The following CNTNAP2 variants were observed in gnomAD, a reference collection of about 807,000 sequenced individuals.
The protein encoded by CNTNAP2 is contactin-associated protein-like 2.
In CNTNAP2, 98 loss-of-function variants were observed where a neutral mutation model predicts 155.2. The ratio of observed to expected loss-of-function variants is 0.63; its 90% confidence interval spans 0.54 to 0.75. The LOEUF (loss-of-function observed/expected upper bound fraction) is 0.75, where lower values mean the gene tolerates loss of function less well. Ranked by LOEUF, CNTNAP2 falls within the 30% of genes least tolerant of loss-of-function variation. The pLI is 0.00. For synonymous variants in CNTNAP2, 651 were observed against 631.2 expected (o/e 1.03, Z -0.47); for missense variants, 1,727 against 1,688.1 (o/e 1.02, Z -0.40).
At chr7:148,333,289 A>G (rs4725776) in intron 21 of CNTNAP2, among the ~76,000 whole-genome samples, 145,896 of 152,058 alleles carry the variant, frequency 0.96, 70,087 homozygotes, top group East Asian at 1. Context: ...TTAGCCAGGC[A>G]TGGTGGCACA....
chr7:148,365,976 G>T (rs1348759391), intron 21 of CNTNAP2, among the ~76,000 whole-genome samples: 1 of 2,578 alleles, frequency 3.9e-4, no homozygotes, highest in African/African-American at 4.8e-4. Flanking sequence ...ATGTGTGTAT[G>T]CATGTATACA....
intron 15 of CNTNAP2, among the ~76,000 whole-genome samples, chr7:148,051,138 G>T (rs1178020499): frequency 1.3e-5 from 2 of 152,152 alleles, no homozygotes; most frequent in East Asian, 3.9e-4. Flanking sequence ...CTATAAGTTT[G>T]TGATAATTCA....
At chr7:147,301,590 CTCTGTGTGTG>C (rs1308681667) in intron 9 of CNTNAP2, among the ~76,000 whole-genome samples, 17,987 of 109,734 alleles carry the variant, frequency 0.16, 1,296 homozygotes, top group Middle Eastern at 0.19. Context: ...CTCTCTCTCT[CTCTGTGTGTG>C]TGTGTGTGTG....
intron 21 of CNTNAP2, among the ~76,000 whole-genome samples, chr7:148,381,149 G>A (rs1200106871): frequency 4.6e-5 from 7 of 152,234 alleles, no homozygotes; most frequent in Admixed American, 3.9e-4. Flanking sequence ...TAGGGGTGGT[G>A]CCTGCAACCC....
At chr7:148,387,187 T>A (rs1799230899) in intron 22 of CNTNAP2, among the ~76,000 whole-genome samples, 1 of 152,202 alleles carries the variant, frequency 6.6e-6, no homozygotes, top group Non-Finnish European at 1.5e-5. Flanking sequence ...GAATCCCCAG[T>A]GGCTTCAGTT....
At chr7:147,226,245 A>G (rs1172374847) in intron 8 of CNTNAP2, among the ~76,000 whole-genome samples, 1 of 152,152 alleles carries the variant, frequency 6.6e-6, no homozygotes, top group East Asian at 1.9e-4. Context: ...TAGGCCCTCA[A>G]TAAAAGATGG....
At chr7:147,599,488 A>T (rs1800902524) in intron 12 of CNTNAP2, among the ~76,000 whole-genome samples, 1 of 135,850 alleles carries the variant, frequency 7.4e-6, no homozygotes, top group Non-Finnish European at 1.5e-5. Flanking sequence ...TCTCAAAAAA[A>T]AAAAAAAAAA....
intron 15 of CNTNAP2, among the ~76,000 whole-genome samples, chr7:148,071,528 G>A (rs1803382853): frequency 6.6e-6 from 1 of 152,122 alleles, no homozygotes; most frequent in Admixed American, 6.5e-5. Flanking sequence ...TATCTAGTGT[G>A]AGAGGAACAG....
At chr7:147,953,779 G>A (rs371656000) in intron 14 of CNTNAP2, among the ~76,000 whole-genome samples, 13 of 152,220 alleles carry the variant, frequency 8.5e-5, no homozygotes, top group East Asian at 1.9e-4. Context: ...AACCCTTGGT[G>A]TTCTTGGCTT....
chr7:146,295,874 C>T (rs1462423981), intron 1 of CNTNAP2, among the ~76,000 whole-genome samples: 1 of 107,292 alleles, frequency 9.3e-6, no homozygotes, highest in African/African-American at 3.0e-5. Flanking sequence ...GACTCCATCT[C>T]AAAAAAAAAA....
chr7:147,055,225 A>T (rs1210117782), intron 4 of CNTNAP2, among the ~76,000 whole-genome samples: 1 of 152,200 alleles, frequency 6.6e-6, no homozygotes, highest in Non-Finnish European at 1.5e-5. Context: ...ACACTTAGCA[A>T]CTTTAGATTT....
At chr7:148,374,017 A>C (rs925962994) in intron 21 of CNTNAP2, among the ~76,000 whole-genome samples, 2 of 152,190 alleles carry the variant, frequency 1.3e-5, no homozygotes, top group African/African-American at 4.8e-5. Context: ...TGTGTTAATT[A>C]TGTGACATGG....
intron 13 of CNTNAP2, among the ~76,000 whole-genome samples, chr7:147,768,497 T>C (rs759294096): frequency 4.8e-4 from 73 of 152,058 alleles, no homozygotes; most frequent in Non-Finnish European, 9.1e-4. Context: ...AAAAGATAAA[T>C]GGGAAAAATA....
At chr7:148,411,797 C>T (rs1030409008) in intron 23 of CNTNAP2, among the ~76,000 whole-genome samples, 1 of 134,316 alleles carries the variant, frequency 7.4e-6, no homozygotes, top group African/African-American at 2.9e-5. Flanking sequence ...AAAAAAAAAA[C>T]TATACTTTTC....
At chr7:147,773,913 C>A (rs1797515475) in intron 13 of CNTNAP2, among the ~76,000 whole-genome samples, 1 of 152,180 alleles carries the variant, frequency 6.6e-6, no homozygotes, top group African/African-American at 2.4e-5. Flanking sequence ...TCATCTCCTA[C>A]TACCTTAACT....
chr7:147,145,073 A>G (rs775791635), intron 8 of CNTNAP2, among the ~76,000 whole-genome samples: 1 of 152,244 alleles, frequency 6.6e-6, no homozygotes, highest in Non-Finnish European at 1.5e-5. Flanking sequence ...TAGCTCATCT[A>G]AAACTTGTAT....
rs543582924 is a variant in CNTNAP2 at position 147,839,294 on chromosome 7, A to T, written c.2099-64271A>T. ...GACATACCCAGGAACAACACTTTGC[A>T]TCCTTCAATCCAATCAAGTTGACAC... On this transcript the variant is annotated intron_variant, in intron 13 of 23. Transcript: ENST00000361727. Among the ~76,000 whole-genome samples, 11 of 152,294 alleles carry T rather than the reference A, an allele frequency of 7.2e-5. No homozygotes were observed. In the South Asian group the frequency reaches 2.1e-3, roughly 29 times the overall value.
intron 11 of CNTNAP2, among the ~76,000 whole-genome samples, chr7:147,493,849 A>G (rs1798649947): frequency 6.6e-6 from 1 of 152,144 alleles, no homozygotes; most frequent in South Asian, 2.1e-4. Flanking sequence ...TATTCAGAGG[A>G]TTTGTTTGCT....
At chr7:146,901,005 C>G (rs567259797) in intron 3 of CNTNAP2, among the ~76,000 whole-genome samples, 32 of 150,310 alleles carry the variant, frequency 2.1e-4, no homozygotes, top group Non-Finnish European at 4.0e-4. Flanking sequence ...ATATAGAAAT[C>G]AACAATGCTA....
Sources: gnomAD v4.1 joint callset for allele counts (sites outside exome capture counted in the v4.1 genomes callset) on GRCh38, gnomAD v4.1.1 for gene constraint, MANE v1.5 for transcripts, NCBI Gene and HGNC (gene_info 2026-07-23, HGNC 2026-07-21) for gene names.